Variants in PNOC observed in about 807,000 individuals in gnomAD.
The protein encoded by PNOC is prepronociceptin.
A neutral mutation model predicts 15.6 loss-of-function variants in PNOC; 10 were observed. That is an observed-to-expected ratio of 0.64 (90% CI 0.40 to 1.09). The LOEUF is 1.09. PNOC is among the 50% of genes least tolerant of loss of function. PNOC has a pLI of 0.01. For missense variants in PNOC, 220 were observed against 223.9 expected, an observed-to-expected ratio of 0.98 and a Z score of 0.11; for synonymous variants, 98 against 88.5, an observed-to-expected ratio of 1.11 and a Z score of -0.60.
intron 1 of PNOC, among the ~76,000 whole-genome samples, chr8:28,322,773 G>T (rs1173943803): frequency 6.6e-6 from 1 of 152,198 alleles, no homozygotes; most frequent in Non-Finnish European, 1.5e-5. Context: ...TGGTTTCCCA[G>T]AACACATGGT....
At chr8:28,339,700 C>A (rs1444852341) in intron 3 of PNOC, 1 of 391,636 alleles carries the variant, frequency 2.6e-6, no homozygotes, top group East Asian at 3.7e-5. Flanking sequence ...CGGCTAGAGA[C>A]TGGTTACCAT....
At chr8:28,335,829 G>C (rs757572054) in intron 2 of PNOC, among the ~76,000 whole-genome samples, 2 of 151,956 alleles carry the variant, frequency 1.3e-5, no homozygotes, top group Non-Finnish European at 2.9e-5. Flanking sequence ...GCGCCTAGCC[G>C]AAATTCTGTT....
chr8:28,326,287 C>T (rs775363720), intron 1 of PNOC, among the ~76,000 whole-genome samples: 1 of 151,926 alleles, frequency 6.6e-6, no homozygotes, highest in East Asian at 1.9e-4. Flanking sequence ...AGGAGTTCAA[C>T]GCTTCAGTGA....
At chr8:28,325,013 A>G (rs930741946) in intron 1 of PNOC, among the ~76,000 whole-genome samples, 2 of 152,188 alleles carry the variant, frequency 1.3e-5, no homozygotes, top group Admixed American at 6.5e-5. Context: ...TACTAATTTC[A>G]TCCCATTTTT....
At chr8:28,342,852 C>G (rs969670089) in intron 3 of PNOC, 90 bp from the exon 4 acceptor site, 1 of 397,590 alleles carries the variant, frequency 2.5e-6, no homozygotes, top group South Asian at 1.0e-4. Flanking sequence ...TTCTTTGCCT[C>G]CCTTTCACTG....
chr8:28,323,431 A>T (rs1230820949), intron 1 of PNOC, among the ~76,000 whole-genome samples: 1 of 152,250 alleles, frequency 6.6e-6, no homozygotes, highest in Non-Finnish European at 1.5e-5. Context: ...TTGTATAAAA[A>T]TAGCAACAAC....
At chr8:28,339,539 CAACT>C in intron 3 of PNOC, 48 bp downstream of exon 3, 2 of 1,399,066 alleles carry the variant, frequency 1.4e-6, no homozygotes, top group East Asian at 2.4e-5. Context: ...CCTCACACAC[CAACT>C]GTCTTAGCCT....
intron 1 of PNOC, among the ~76,000 whole-genome samples, chr8:28,321,037 G>T (rs1048115998): frequency 6.6e-6 from 1 of 151,328 alleles, no homozygotes; most frequent in Admixed American, 6.6e-5. Flanking sequence ...CAGGTCTTTT[G>T]TTGTTGTTGT....
At chr8:28,322,694 AT>A (rs762178405) in intron 1 of PNOC, among the ~76,000 whole-genome samples, 20 of 152,208 alleles carry the variant, frequency 1.3e-4, no homozygotes, top group Admixed American at 3.3e-4. Context: ...ATGCAAATAG[AT>A]TCCACCGCAA....
chr8:28,339,541 A>G, intron 3 of PNOC, 50 bp downstream of exon 3: 1 of 1,389,568 alleles, frequency 7.2e-7, no homozygotes, highest in Non-Finnish European at 9.5e-7. Context: ...TCACACACCA[A>G]CTGTCTTAGC....
chr8:28,334,295 T>C (rs964320543), intron 2 of PNOC, among the ~76,000 whole-genome samples: 1 of 152,196 alleles, frequency 6.6e-6, no homozygotes, highest in Non-Finnish European at 1.5e-5. Flanking sequence ...TCTTTCTCTG[T>C]AGGAGTCTTT....
intron 1 of PNOC, among the ~76,000 whole-genome samples, chr8:28,322,834 G>A (rs74788326): frequency 0.013 from 2,051 of 152,256 alleles, 45 homozygotes; most frequent in African/African-American, 0.048. Flanking sequence ...CTTATAAACC[G>A]GATGATCCTA....
At chr8:28,337,283 A>C (rs963644366) in intron 2 of PNOC, among the ~76,000 whole-genome samples, 2 of 151,738 alleles carry the variant, frequency 1.3e-5, no homozygotes, top group African/African-American at 4.8e-5. Flanking sequence ...ACTTTCTTGG[A>C]AACCCCATCT....
At chr8:28,322,010 G>A (rs530893722) in intron 1 of PNOC, among the ~76,000 whole-genome samples, 3 of 152,298 alleles carry the variant, frequency 2.0e-5, no homozygotes, top group African/African-American at 4.8e-5. Context: ...GGGGCATCGG[G>A]AAGACCCACC....
At chr8:28,339,590 C>T (rs1801479934) in intron 3 of PNOC, 99 bp downstream of exon 3, 2 of 951,692 alleles carry the variant, frequency 2.1e-6, no homozygotes, top group Non-Finnish European at 1.4e-6. Flanking sequence ...TCTCCCCGCC[C>T]CCTCCCCACT....
intron 2 of PNOC, among the ~76,000 whole-genome samples, chr8:28,338,374 G>A (rs139811530): frequency 6.6e-6 from 1 of 152,174 alleles, no homozygotes; most frequent in East Asian, 1.9e-4. Context: ...GGGTCTGCTG[G>A]GCTCTGGTCT....
intron 2 of PNOC, among the ~76,000 whole-genome samples, chr8:28,335,310 G>T (rs1257470033): frequency 6.6e-6 from 1 of 152,224 alleles, no homozygotes; most frequent in Non-Finnish European, 1.5e-5. Context: ...GCATCTTTGA[G>T]TTCTTGTTCA....
chr8:28,339,561 A>G (rs1801479463), intron 3 of PNOC, 70 bp downstream of exon 3: 3 of 1,249,216 alleles, frequency 2.4e-6, no homozygotes, highest in East Asian at 2.6e-5. Flanking sequence ...CCTTGCTCCC[A>G]GGCCTAGAAG....
chr8:28,328,042 G>C (rs1369414926), intron 1 of PNOC, among the ~76,000 whole-genome samples: 1 of 143,776 alleles, frequency 7.0e-6, no homozygotes, highest in South Asian at 2.2e-4. Flanking sequence ...TCTCCCAAAG[G>C]TTCCATCTCT....
Sources: gnomAD v4.1 joint callset for allele counts (sites outside exome capture counted in the v4.1 genomes callset) on GRCh38, gnomAD v4.1.1 for gene constraint, MANE v1.5 for transcripts, NCBI Gene and HGNC (gene_info 2026-07-23, HGNC 2026-07-21) for gene names.